Variants in PPP2R2B observed in about 807,000 individuals in gnomAD.
PPP2R2B encodes the protein protein phosphatase 2 regulatory subunit Bbeta.
Under a neutral mutation model 46.0 loss-of-function variants are expected in PPP2R2B, and 5 were observed. The observed-to-expected ratio is 0.11, with a 90% CI of 0.06 to 0.23. The LOEUF (loss-of-function observed/expected upper bound fraction) is 0.23, where lower values mean the gene tolerates loss of function less well. Ranked by LOEUF, PPP2R2B falls within the 10% of genes least tolerant of loss-of-function variation. PPP2R2B has a pLI of 1.00. For synonymous variants in PPP2R2B, 215 were observed against 206.7 expected (o/e 1.04, Z -0.34); for missense variants, 367 against 575.0 (o/e 0.64, Z 3.70).
chr5:146,641,367 T>C (rs1775195903), intron 6 of PPP2R2B, among the ~76,000 whole-genome samples: 1 of 152,196 alleles, frequency 6.6e-6, no homozygotes, highest in Non-Finnish European at 1.5e-5. Flanking sequence ...GTGACAATTT[T>C]GGTTCCTTTG....
intron 1 of PPP2R2B, among the ~76,000 whole-genome samples, chr5:146,937,118 A>G (rs1349451771): frequency 6.6e-6 from 1 of 152,180 alleles, no homozygotes; most frequent in Non-Finnish European, 1.5e-5. Context: ...CCTGGCTAAC[A>G]TGGTGAAACC....
intron 1 of PPP2R2B, among the ~76,000 whole-genome samples, chr5:146,929,955 T>C (rs974957768): frequency 2.0e-5 from 3 of 152,222 alleles, no homozygotes; most frequent in Non-Finnish European, 2.9e-5. Context: ...ATGATATAAA[T>C]GCCTGTGATC....
At chr5:146,656,828 C>A (rs1581806463) in intron 5 of PPP2R2B, 1 of 152,286 alleles carries the variant, frequency 6.6e-6, no homozygotes, top group South Asian at 2.1e-4. Flanking sequence ...GGTGTGGCTA[C>A]CTGTGAGTAG....
chr5:146,646,145 C>A (rs576229845), intron 6 of PPP2R2B, among the ~76,000 whole-genome samples: 1 of 152,168 alleles, frequency 6.6e-6, no homozygotes, highest in Non-Finnish European at 1.5e-5. Flanking sequence ...ACTCTGAAAG[C>A]GGCAAATTTG....
In PPP2R2B at chr5:146,973,095, T is replaced by C. The variant is rs1752738092; in HGVS notation, c.79+82570A>G. Among the ~76,000 whole-genome samples the C allele has an allele frequency of 3.3e-5, 5 of 152,342 alleles. No homozygotes were observed. In the South Asian group the frequency reaches 1.0e-3, roughly 32 times the overall value. On this transcript the variant is annotated intron_variant, in intron 1 of 8. Transcript: ENST00000336640. Reference sequence around the variant, plus strand: ...TAAAAATGTTCTGTGGTATCCTTTTTCTGAGGTTATGTTATGTCTTTGATC... The same window carrying C: ...TAAAAATGTTCTGTGGTATCCTTTTCCTGAGGTTATGTTATGTCTTTGATC...
intron 1 of PPP2R2B, among the ~76,000 whole-genome samples, chr5:147,037,952 T>G (rs1325865579): frequency 6.6e-6 from 1 of 152,184 alleles, no homozygotes; most frequent in African/African-American, 2.4e-5. Flanking sequence ...GTTGAGGGAA[T>G]GAGTAATAAA....
At chr5:147,049,729 G>C (rs1039151298) in intron 1 of PPP2R2B, among the ~76,000 whole-genome samples, 1 of 152,186 alleles carries the variant, frequency 6.6e-6, no homozygotes. Context: ...GCAATCATCT[G>C]TCAGTGTTGC....
At chr5:146,976,866 TC>T (rs538872403) in intron 1 of PPP2R2B, among the ~76,000 whole-genome samples, 173 of 152,276 alleles carry the variant, frequency 1.1e-3, no homozygotes, top group African/African-American at 3.8e-3. Context: ...AGCCACCCCA[TC>T]AACACCTTCC....
chr5:146,838,010 G>C (rs1012586021), intron 2 of PPP2R2B, among the ~76,000 whole-genome samples: 6 of 152,104 alleles, frequency 3.9e-5, no homozygotes, highest in African/African-American at 4.8e-5. Context: ...AAGAGTCCCT[G>C]GTAAGTAGGT....
intron 7 of PPP2R2B, among the ~76,000 whole-genome samples, chr5:146,619,636 C>G (rs1292219962): frequency 6.6e-6 from 1 of 152,148 alleles, no homozygotes; most frequent in African/African-American, 2.4e-5. Flanking sequence ...GAAACTTGAG[C>G]GTGTGATCAA....
At chr5:146,595,799 C>G (rs540806983) in intron 8 of PPP2R2B, among the ~76,000 whole-genome samples, 1 of 152,160 alleles carries the variant, frequency 6.6e-6, no homozygotes, top group Non-Finnish European at 1.5e-5. Context: ...TAAAACTCAT[C>G]CTATTTGATG....
At chr5:146,839,899 C>G (rs1357741392) in intron 2 of PPP2R2B, among the ~76,000 whole-genome samples, 1 of 152,122 alleles carries the variant, frequency 6.6e-6, no homozygotes, top group African/African-American at 2.4e-5. Flanking sequence ...TTTTTACTTC[C>G]TTAGGGTATG....
At chr5:146,892,307 A>T (rs1310704400) in intron 1 of PPP2R2B, among the ~76,000 whole-genome samples, 1 of 152,094 alleles carries the variant, frequency 6.6e-6, no homozygotes, top group Admixed American at 6.6e-5. Flanking sequence ...ACACAGGGGG[A>T]TCAAAAGGCA....
intron 1 of PPP2R2B, among the ~76,000 whole-genome samples, chr5:146,888,928 A>G (rs1762410080): frequency 6.6e-6 from 1 of 152,082 alleles, no homozygotes; most frequent in African/African-American, 2.4e-5. Context: ...TAGCACCTCC[A>G]TCTCTGCCCG....
intron 2 of PPP2R2B, among the ~76,000 whole-genome samples, chr5:146,808,130 T>C (rs150468718): frequency 4.6e-5 from 7 of 152,190 alleles, no homozygotes; most frequent in African/African-American, 1.7e-4. Flanking sequence ...CACTCCACCT[T>C]TGTGTCCTCA....
intron 1 of PPP2R2B, among the ~76,000 whole-genome samples, chr5:147,034,038 G>A (rs1461094030): frequency 6.6e-6 from 1 of 151,926 alleles, no homozygotes; most frequent in African/African-American, 2.4e-5. Context: ...GGCCATATAT[G>A]GCCTAGCGCC....
chr5:146,837,520 G>A (rs977426079), intron 2 of PPP2R2B, among the ~76,000 whole-genome samples: 2 of 152,182 alleles, frequency 1.3e-5, no homozygotes, highest in Non-Finnish European at 2.9e-5. Flanking sequence ...GGACAGCACT[G>A]TTCAATAGAA....
rs963760292 is a variant in PPP2R2B, at chr5:146,585,173, C to T, written c.*4774G>A. On this transcript the variant is annotated 3_prime_UTR_variant, in exon 10 of 10. Transcript: ENST00000394411. ...TAGAACCTGGCTGCCTGACACATCCCAGGCAACCAATGAATCTTTAATTCA... is the reference window on the plus strand; with the variant it reads ...TAGAACCTGGCTGCCTGACACATCCTAGGCAACCAATGAATCTTTAATTCA... 3 of 151,854 alleles carry T rather than the reference C, an allele frequency of 2.0e-5. No homozygotes were observed. Among genetic ancestry groups the T allele is most frequent in the Non-Finnish European group, 4.4e-5 (3 of 67,998 alleles). 9.4% of individuals were successfully genotyped at this position (151,854 alleles called of 1,614,324 possible).
intron 1 of PPP2R2B, among the ~76,000 whole-genome samples, chr5:147,001,113 CTG>C: frequency 6.6e-6 from 1 of 152,272 alleles, no homozygotes; most frequent in South Asian, 2.1e-4. Context: ...AATCAGCACT[CTG>C]TAAATAGACC....
Sources: gnomAD v4.1 joint callset for allele counts (sites outside exome capture counted in the v4.1 genomes callset) on GRCh38, gnomAD v4.1.1 for gene constraint, MANE v1.5 for transcripts, NCBI Gene and HGNC (gene_info 2026-07-23, HGNC 2026-07-21) for gene names.